The following GPM6A variants were observed in gnomAD, a reference collection of about 807,000 sequenced individuals.
The protein encoded by GPM6A is neuronal membrane glycoprotein M6-a.
Under a neutral mutation model 32.1 loss-of-function variants are expected in GPM6A, and 7 were observed. That is an observed-to-expected ratio of 0.22 (90% CI 0.12 to 0.41). The LOEUF (loss-of-function observed/expected upper bound fraction) is 0.41, where lower values mean the gene tolerates loss of function less well. Ranked by LOEUF, GPM6A falls within the 10% of genes least tolerant of loss-of-function variation. The probability of loss-of-function intolerance (pLI) is 1.00; values close to 1 mark genes in which losing one functional copy is unlikely to be tolerated. For missense variants in GPM6A, 235 were observed against 347.2 expected, an observed-to-expected ratio of 0.68 and a Z score of 2.57; for synonymous variants, 130 against 123.4, an observed-to-expected ratio of 1.05 and a Z score of -0.35.
chr4:175,768,257 T>C (rs1233567917), intron 1 of GPM6A, among the ~76,000 whole-genome samples: 1 of 152,236 alleles, frequency 6.6e-6, no homozygotes, highest in East Asian at 1.9e-4. Flanking sequence ...CAAGGGATTT[T>C]TTTAAAACTC....
chr4:175,764,078 C>A (rs570298439), intron 1 of GPM6A, among the ~76,000 whole-genome samples: 63 of 152,314 alleles, frequency 4.1e-4, no homozygotes, highest in South Asian at 6.2e-4. Context: ...TTGGTGCATT[C>A]ATGATGTTAT....
In GPM6A at chr4:175,834,637, A is replaced by C. The variant is rs148589241; in HGVS notation, c.-22-22388T>G. ...CTCACCTGTGCACTTTTCCCTTACC[A>C]AGAATTTAAAAAAAAAACAACTGTT... is the stretch of plus-strand genomic sequence containing the variant. On this transcript the variant is annotated intron_variant, in intron 1 of 7. Coordinates refer to the GPM6A transcript ENST00000280187. 1.0e-2 allele frequency among the ~76,000 whole-genome samples: 1,519 copies of C among 152,196 alleles called. 12 individuals are homozygous for C. Among genetic ancestry groups the C allele is most frequent in the South Asian group, 0.03 (146 of 4,810 alleles).
Position 175,918,333 on chromosome 4 carries a change from G to T in GPM6A, c.-23+83976C>A, listed in dbSNP as rs544056897. 6.6e-5 allele frequency among the ~76,000 whole-genome samples: 10 copies of T among 152,190 alleles called. No homozygotes were observed. In the South Asian group the frequency reaches 1.7e-3, roughly 25 times the overall value. ...GCTTAGGTAATGGAGCTGATAAAGC[G>T]GGCAGCAGCTGTTGAGTTACATGTG... On this transcript the variant is annotated intron_variant, in intron 1 of 7. Coordinates refer to the GPM6A transcript ENST00000280187.
intron 1 of GPM6A, among the ~76,000 whole-genome samples, chr4:175,907,668 T>G (rs777395308): frequency 2.6e-5 from 4 of 152,140 alleles, no homozygotes; most frequent in Non-Finnish European, 5.9e-5. Context: ...AATATCCTCT[T>G]ATCTGAAGGC....
chr4:175,866,332 C>A (rs1205319015), intron 1 of GPM6A, among the ~76,000 whole-genome samples: 1 of 152,084 alleles, frequency 6.6e-6, no homozygotes. Flanking sequence ...TGGTGTGGCA[C>A]ATGTTAAGAT....
intron 1 of GPM6A, among the ~76,000 whole-genome samples, chr4:175,759,238 G>A (rs1056600746): frequency 6.6e-6 from 1 of 151,976 alleles, no homozygotes; most frequent in African/African-American, 2.4e-5. Flanking sequence ...TCTGCCTCAT[G>A]ATGATGGTTT....
intron 1 of GPM6A, among the ~76,000 whole-genome samples, chr4:175,958,371 G>T (rs761089739): frequency 6.6e-6 from 1 of 152,176 alleles, no homozygotes; most frequent in Non-Finnish European, 1.5e-5. Context: ...TGATTCAGAG[G>T]CATGTTTACT....
chr4:175,800,699 G>C (rs1734438272), intron 1 of GPM6A: 1 of 179,092 alleles, frequency 5.6e-6, no homozygotes, highest in Non-Finnish European at 1.2e-5. Context: ...TACCAGAGAG[G>C]TAATAATGGT....
At chr4:175,760,982 T>C (rs901382595) in intron 1 of GPM6A, among the ~76,000 whole-genome samples, 1 of 152,138 alleles carries the variant, frequency 6.6e-6, no homozygotes, top group African/African-American at 2.4e-5. Flanking sequence ...GCCTTTTTAT[T>C]TATTGTTTTA....
chr4:175,687,666 T>C (rs1744061227), intron 2 of GPM6A, among the ~76,000 whole-genome samples: 1 of 152,196 alleles, frequency 6.6e-6, no homozygotes, highest in African/African-American at 2.4e-5. Flanking sequence ...AAGATCCTGA[T>C]ATGAACTCTT....
intron 2 of GPM6A, among the ~76,000 whole-genome samples, chr4:175,695,968 AGTT>A (rs928799169): frequency 6.6e-6 from 1 of 152,076 alleles, no homozygotes; most frequent in Admixed American, 6.6e-5. Flanking sequence ...TGAGTGAGTG[AGTT>A]GTTGTGAGAT....
intron 1 of GPM6A, among the ~76,000 whole-genome samples, chr4:175,823,159 T>C (rs1265914794): frequency 6.6e-6 from 1 of 152,196 alleles, no homozygotes. Flanking sequence ...AATGAGGAAC[T>C]GAGATTTGAA....
chr4:175,740,759 C>A (rs901911424), intron 1 of GPM6A, among the ~76,000 whole-genome samples: 1 of 151,984 alleles, frequency 6.6e-6, no homozygotes, highest in Non-Finnish European at 1.5e-5. Context: ...GCTTGTGCTT[C>A]TCACAAAAAG....
intron 1 of GPM6A, among the ~76,000 whole-genome samples, chr4:175,873,911 T>G (rs1370751085): frequency 6.6e-6 from 1 of 152,200 alleles, no homozygotes; most frequent in African/African-American, 2.4e-5. Flanking sequence ...CTACAGACTT[T>G]TATTAGGGTG....
At chr4:175,646,558 A>T (rs1261980549) in intron 4 of GPM6A, among the ~76,000 whole-genome samples, 1 of 152,216 alleles carries the variant, frequency 6.6e-6, no homozygotes, top group African/African-American at 2.4e-5. Flanking sequence ...TTTGTCATGA[A>T]GATATTTTTC....
chr4:175,878,215 A>T (rs1737147786), intron 1 of GPM6A, among the ~76,000 whole-genome samples: 1 of 152,168 alleles, frequency 6.6e-6, no homozygotes, highest in African/African-American at 2.4e-5. Flanking sequence ...TACATGGTAC[A>T]AGCCGTCAGT....
chr4:175,848,905 CAG>C (rs33984738), intron 1 of GPM6A, among the ~76,000 whole-genome samples: 46,550 of 151,830 alleles, frequency 0.31, 7,194 homozygotes, highest in East Asian at 0.35. Context: ...AGTAAGAAAA[CAG>C]ATATATACAA....
At chr4:175,942,573 C>A (rs1561004367) in intron 1 of GPM6A, among the ~76,000 whole-genome samples, 3 of 152,206 alleles carry the variant, frequency 2.0e-5, no homozygotes, top group Non-Finnish European at 1.5e-5. Context: ...AGGAAGGGGT[C>A]CAGTTTCAGT....
chr4:175,942,111 T>G (rs1179239543), intron 1 of GPM6A, among the ~76,000 whole-genome samples: 3 of 152,248 alleles, frequency 2.0e-5, no homozygotes, highest in Non-Finnish European at 2.9e-5. Flanking sequence ...GGTTTTGATT[T>G]GCATTTCTCT....
Sources: allele counts gnomAD v4.1 joint callset (sites outside exome capture counted in the v4.1 genomes callset), GRCh38; gene constraint gnomAD v4.1.1; transcripts MANE v1.5; gene names NCBI Gene and HGNC (gene_info 2026-07-23, HGNC 2026-07-21).